The following SGCB variants were observed in gnomAD, a reference collection of about 807,000 sequenced individuals.
SGCB encodes the protein sarcoglycan beta.
A neutral mutation model predicts 27.3 loss-of-function variants in SGCB; 25 were observed. The observed-to-expected ratio is 0.92, with a 90% confidence interval of 0.67 to 1.28. The LOEUF is 1.28. Among genes scored for constraint, SGCB ranks in the 50% most tolerant of loss-of-function variants. SGCB has a pLI of 0.00. For synonymous variants in SGCB, 147 were observed against 133.5 expected (o/e 1.10, Z -0.70); for missense variants, 436 against 402.1 (o/e 1.08, Z -0.72).
chr4:52,036,719 T>C (rs887827516), intron 1 of SGCB, among the ~76,000 whole-genome samples: 1 of 152,078 alleles, frequency 6.6e-6, no homozygotes, highest in Admixed American at 6.5e-5. Flanking sequence ...GACTCCCAAA[T>C]AGGACTGGCT....
At chr4:52,027,212 C>A (rs1426386025) in intron 5 of SGCB, among the ~76,000 whole-genome samples, 4 of 152,000 alleles carry the variant, frequency 2.6e-5, no homozygotes. Flanking sequence ...AATTAAATAG[C>A]ATATTGCAGG....
chr4:52,036,493 G>C (rs1484631967), intron 1 of SGCB, among the ~76,000 whole-genome samples: 1 of 152,284 alleles, frequency 6.6e-6, no homozygotes, highest in African/African-American at 2.4e-5. Context: ...TATACAATCA[G>C]ATTTGCATTG....
At chr4:52,027,654 A>G (rs1737134117) in intron 5 of SGCB, among the ~76,000 whole-genome samples, 1 of 151,326 alleles carries the variant, frequency 6.6e-6, no homozygotes, top group Admixed American at 6.6e-5. Flanking sequence ...GAGAGAAAGA[A>G]ACAGAAAATA....
In SGCB at chr4:52,028,078, C is replaced by A. The variant is rs778962451; in HGVS notation, c.643G>T (p.Asp215Tyr). ...CGCCCATCAACTTTTATATTTAAAT[C>A]ACTGGTAGCATTGCTGGTAATCTGA... ...TERITSNATSDLNIKVDGRAI... is the reference protein window; with the variant it reads ...TERITSNATSYLNIKVDGRAI... The change falls in exon 5 of 6, where the codon GAT (aspartate) becomes TAT (tyrosine). Residue 215 changes from aspartate to tyrosine, a missense_variant. By Grantham distance (160) the Asp-to-Tyr change is radical. Transcript: ENST00000381431. The A allele has an allele frequency of 9.9e-6, 16 of 1,612,868 alleles. No homozygotes were observed. The highest frequency in any genetic ancestry group is 8.5e-7 in the Non-Finnish European group (1 of 1,179,128).
In SGCB at chr4:52,038,264, C is replaced by T; in HGVS notation, c.-5G>A. The T allele has an allele frequency of 7.7e-7, 1 of 1,295,774 alleles. No homozygotes were observed. The highest frequency in any genetic ancestry group is 9.8e-7 in the Non-Finnish European group (1 of 1,019,678). 80.3% of individuals were successfully genotyped at this position (1,295,774 alleles called of 1,614,324 possible). ...CGCCGCCGCCGCTGCCGCCATCTTC[C>T]CGCGCCCGCCGCCGCCGAGCTCCCC... On this transcript the variant is annotated 5_prime_UTR_variant, in exon 1 of 6. Coordinates refer to ENST00000381431, the MANE Select transcript of SGCB (RefSeq NM_000232.5).
Position 52,033,442 on chromosome 4 carries a change from T to C in SGCB, c.232A>G (p.Ile78Val). 1 of 1,609,236 alleles carries C rather than the reference T, an allele frequency of 6.2e-7. No homozygotes were observed. The change falls in exon 2 of 6, where the codon ATC (isoleucine) becomes GTC (valine). Residue 78 changes from isoleucine to valine, a missense_variant. Coordinates refer to ENST00000381431, the MANE Select transcript of SGCB (RefSeq NM_000232.5). ...TTACAAATACTCACTATTAAATTGATGACAGCCAGGATAAACAAGAGGATA... is the reference window on the plus strand; with the variant it reads ...TTACAAATACTCACTATTAAATTGACGACAGCCAGGATAAACAAGAGGATA... ...VIILLFILAV[I>V]NLIITLVIWA...
chr4:52,036,191 T>A (rs1216643125), intron 1 of SGCB, among the ~76,000 whole-genome samples: 1 of 152,174 alleles, frequency 6.6e-6, no homozygotes, highest in Admixed American at 6.5e-5. Flanking sequence ...TAAGAAAAGC[T>A]GAAGGTTGAG....
chr4:52,028,787 C>A lies in SGCB; in HGVS notation c.564G>T (p.Glu188Asp). Residue 188 changes from glutamate (E) to aspartate (D), a missense_variant, in exon 4 of 6, where the codon GAG (glutamate) becomes GAT (aspartate). By Grantham distance (45) the Glu-to-Asp change is conservative. Transcript: ENST00000381431. ...ILFSTDYETH[E>D]FHLPSGVKSL... ...TTTTCACTCCACTTGGCAAATGAAA[C>A]TCATGAGTTTCATAGTCTGTGCTGA... is the stretch of plus-strand genomic sequence containing the variant. 2 of 1,613,846 alleles carry A rather than the reference C, an allele frequency of 1.2e-6. No individual in the cohort carries two copies. The highest frequency in any genetic ancestry group is 2.7e-5 in the African/African-American group (2 of 75,020).
chr4:52,028,427 G>A (rs913291933), intron 4 of SGCB, among the ~76,000 whole-genome samples: 1 of 152,160 alleles, frequency 6.6e-6, no homozygotes, highest in East Asian at 1.9e-4. Context: ...CACGAGGTCA[G>A]GAGATCGAGA....
At chr4:52,035,927 C>T (rs1737379751) in intron 1 of SGCB, among the ~76,000 whole-genome samples, 1 of 152,112 alleles carries the variant, frequency 6.6e-6, no homozygotes, top group Admixed American at 6.5e-5. Context: ...AAACCATGCA[C>T]ATTACTGTCT....
intron 1 of SGCB, among the ~76,000 whole-genome samples, chr4:52,036,518 C>T (rs1737396607): frequency 6.6e-6 from 1 of 152,050 alleles, no homozygotes; most frequent in Non-Finnish European, 1.5e-5. Flanking sequence ...AAAATCACTC[C>T]AAAAAGAGAT....
At chr4:52,025,306 G>C (rs1312074834) in intron 5 of SGCB, among the ~76,000 whole-genome samples, 2 of 152,108 alleles carry the variant, frequency 1.3e-5, no homozygotes, top group African/African-American at 2.4e-5. Flanking sequence ...TGAGCAGATG[G>C]GGACTGAGTT....
intron 2 of SGCB, among the ~76,000 whole-genome samples, chr4:52,031,404 G>GTA (rs1413674025): frequency 7.9e-4 from 30 of 38,056 alleles, no homozygotes; most frequent in Non-Finnish European, 2.5e-3. Flanking sequence ...GTGTGTGTGT[G>GTA]TATGTGTGTG....
intron 1 of SGCB, among the ~76,000 whole-genome samples, chr4:52,036,449 A>C (rs1010523569): frequency 2.0e-5 from 3 of 152,228 alleles, no homozygotes; most frequent in Non-Finnish European, 4.4e-5. Context: ...CCTGAAGGCA[A>C]AGGGGAACTA....
At position 52,027,959 on chromosome 4, in the gene SGCB, A is replaced by T; in HGVS notation, c.753+9T>A. 6.2e-7 allele frequency: 1 copy of T among 1,613,070 alleles called. No individual in the cohort carries two copies. The stretch of plus-strand genomic sequence containing the variant: ...AATAATTCTCTTAAGCTCTTAAAAG[A>T]ATACTCACCGCCTTTAACTCCATAT... On this transcript the variant is annotated intron_variant, in intron 5 of 5. Transcript: ENST00000381431.
intron 1 of SGCB, among the ~76,000 whole-genome samples, chr4:52,037,981 C>T (rs1430844746): frequency 6.6e-6 from 1 of 152,144 alleles, no homozygotes; most frequent in Non-Finnish European, 1.5e-5. Context: ...CCCTCCTCAC[C>T]CCCTCCGAGG....
At chr4:52,036,741 G>A (rs1490934867) in intron 1 of SGCB, among the ~76,000 whole-genome samples, 1 of 152,122 alleles carries the variant, frequency 6.6e-6, no homozygotes, top group East Asian at 1.9e-4. Context: ...TATAATTTGT[G>A]GGGCCCAGGG....
rs1737015556 is a variant in SGCB at position 52,023,883 on chromosome 4, T to TGTAAAAACAATGATTTGCATGC, written c.*52_*73dup. The TGTAAAAACAATGATTTGCATGC allele has an allele frequency of 8.7e-7, 1 of 1,146,426 alleles. No individual in the cohort carries two copies. The highest frequency in any genetic ancestry group is 1.3e-6 in the Non-Finnish European group (1 of 756,706). The allele number at this position is 1,146,426 out of a possible 1,614,324, so 71.0% of individuals were successfully genotyped here. On this transcript the variant is annotated 3_prime_UTR_variant, in exon 6 of 6. Coordinates refer to ENST00000381431, the MANE Select transcript of SGCB (RefSeq NM_000232.5). The stretch of plus-strand genomic sequence containing the variant: ...AATAATTATGAGTTATCACAAACTC[T>TGTAAAAACAATGATTTGCATGC]GTAAAAACAATGATTTGCATGCATA...
chr4:52,031,402 G>A (rs592692), intron 2 of SGCB, among the ~76,000 whole-genome samples: 22 of 40,518 alleles, frequency 5.4e-4, no homozygotes, highest in East Asian at 2.1e-3. Flanking sequence ...CTGTGTGTGT[G>A]TGTATGTGTG....
Sources: gnomAD v4.1 joint callset for allele counts (sites outside exome capture counted in the v4.1 genomes callset) on GRCh38, gnomAD v4.1.1 for gene constraint, MANE v1.5 for transcripts, NCBI Gene and HGNC (gene_info 2026-07-23, HGNC 2026-07-21) for gene names.